UNC79: variants seen among roughly 807,000 people sequenced by gnomAD.
The protein encoded by UNC79 is unc-79 subunit of NALCN channel complex.
In UNC79, 37 loss-of-function variants were observed where a neutral mutation model predicts 283.1. The ratio of observed to expected loss-of-function variants is 0.13; its 90% CI spans 0.10 to 0.17. The LOEUF is 0.17. Ranked by LOEUF, UNC79 falls within the 10% of genes least tolerant of loss-of-function variation. The pLI, the probability that UNC79 is intolerant of heterozygous loss-of-function variation, is 1.00. For missense variants in UNC79, 2,272 were observed against 3,211.1 expected (o/e 0.71, Z 7.07); for synonymous variants, 1,107 against 1,200.2 (o/e 0.92, Z 1.61).
intron 14 of UNC79, among the ~76,000 whole-genome samples, chr14:93,560,124 C>A (rs974170490): frequency 6.6e-6 from 1 of 151,588 alleles, no homozygotes; most frequent in African/African-American, 2.4e-5. Context: ...AGAAACTAAA[C>A]GGAAGGTACA....
chr14:93,341,278 G>C (rs2053702196), intron 1 of UNC79, among the ~76,000 whole-genome samples: 1 of 151,962 alleles, frequency 6.6e-6, no homozygotes, highest in African/African-American at 2.4e-5. Flanking sequence ...CCAACATGGA[G>C]AAACCCCGTC....
At position 93,402,923 on chromosome 14, in the gene UNC79, G is replaced by A. The variant is rs2055141588; in HGVS notation, c.-350-64748G>A. ...GGTCCTGATGACGTGTGTCCAAGGT[G>A]GTTGAGGCACAGCTTGGTTTTATAT... On this transcript the variant is annotated intron_variant, in intron 1 of 49. Transcript: ENST00000256339. 2.0e-5 allele frequency among the ~76,000 whole-genome samples: 3 copies of A among 152,188 alleles called. No individual in the cohort carries two copies. The South Asian group carries it at 6.2e-4, about 32-fold the overall frequency.
chr14:93,527,977 A>G (rs201410228), intron 8 of UNC79, among the ~76,000 whole-genome samples: 7 of 68,750 alleles, frequency 1.0e-4, no homozygotes, highest in African/African-American at 2.9e-4. Context: ...CATGTGTAGG[A>G]AAAAAAAAAA....
chr14:93,346,088 A>G (rs751275561), intron 1 of UNC79, among the ~76,000 whole-genome samples: 8 of 151,892 alleles, frequency 5.3e-5, no homozygotes, highest in Non-Finnish European at 1.0e-4. Flanking sequence ...ACCAATATAT[A>G]TATATTTTGA....
At chr14:93,660,054 C>T (rs1044131457) in intron 39 of UNC79, among the ~76,000 whole-genome samples, 2 of 152,148 alleles carry the variant, frequency 1.3e-5, no homozygotes, top group Non-Finnish European at 2.9e-5. Context: ...AGTTCTGCAC[C>T]GTGTCTCATT....
intron 47 of UNC79, among the ~76,000 whole-genome samples, chr14:93,703,187 C>T (rs548970542): frequency 9.8e-5 from 15 of 152,332 alleles, no homozygotes; most frequent in Admixed American, 5.9e-4. Context: ...CAATGAGCTT[C>T]GCCATGCCTT....
chr14:93,348,096 C>A, intron 1 of UNC79: 1 of 1,608,198 alleles, frequency 6.2e-7, no homozygotes, highest in Non-Finnish European at 8.5e-7. Flanking sequence ...TGCTAGGCAA[C>A]CTGAAGCAGT....
intron 1 of UNC79, among the ~76,000 whole-genome samples, chr14:93,347,625 C>T (rs529783434): frequency 4.6e-5 from 7 of 152,126 alleles, no homozygotes; most frequent in South Asian, 2.1e-4. Flanking sequence ...AAGCCCGGGA[C>T]CCTGAGGAAC....
chr14:93,480,752 T>C (rs2058087745), intron 4 of UNC79, among the ~76,000 whole-genome samples: 1 of 152,250 alleles, frequency 6.6e-6, no homozygotes, highest in East Asian at 1.9e-4. Flanking sequence ...GTTTTTTCTA[T>C]TTTTTTGGTA....
chr14:93,350,081 ATT>A (rs1329990108), intron 1 of UNC79, among the ~76,000 whole-genome samples: 1 of 152,174 alleles, frequency 6.6e-6, no homozygotes, highest in African/African-American at 2.4e-5. Context: ...GGGAAAATGT[ATT>A]TCTAAAATTG....
At chr14:93,565,723 T>G (rs2062838198) in intron 14 of UNC79, among the ~76,000 whole-genome samples, 1 of 152,090 alleles carries the variant, frequency 6.6e-6, no homozygotes, top group Non-Finnish European at 1.5e-5. Flanking sequence ...GACAGGGAAG[T>G]CCACAGGCTT....
chr14:93,653,679 A>C lies in UNC79; in HGVS notation c.6084-63A>C, dbSNP rs115795636. 3,228 of 1,459,100 alleles carry C rather than the reference A, an allele frequency of 2.2e-3. 59 individuals are homozygous for C. The African/African-American group carries it at 0.038, about 17-fold the overall frequency. The allele number at this position is 1,459,100 out of a possible 1,614,324, so 90.4% of individuals were successfully genotyped here. A position where few individuals can be genotyped will look rare whatever the true frequency, so the allele number is the denominator to read the frequency against. ...TGTGCAAATGTCTGAACTCTAAGTA[A>C]ATATCTGAACACCTGCTCACTGGCC... is the stretch of plus-strand genomic sequence containing the variant. On this transcript the variant is annotated intron_variant, in intron 35 of 48. Transcript: ENST00000555664.
At chr14:93,681,596 A>C (rs1342626231) in intron 41 of UNC79, among the ~76,000 whole-genome samples, 3 of 152,194 alleles carry the variant, frequency 2.0e-5, no homozygotes. Flanking sequence ...TGTGCCTTCC[A>C]GTATGAGAAC....
chr14:93,365,383 TC>T (rs1338817333), intron 1 of UNC79, among the ~76,000 whole-genome samples: 8 of 27,580 alleles, frequency 2.9e-4, no homozygotes, highest in East Asian at 1.8e-3. Flanking sequence ...ATACTCCATC[TC>T]AAAAAAAAAA....
At chr14:93,391,605 C>T (rs968133021) in intron 1 of UNC79, among the ~76,000 whole-genome samples, 3 of 152,042 alleles carry the variant, frequency 2.0e-5, no homozygotes, top group Non-Finnish European at 2.9e-5. Context: ...TCTATAATTT[C>T]TTTTTTTGAG....
At chr14:93,520,910 C>G (rs1055505225) in intron 7 of UNC79, among the ~76,000 whole-genome samples, 3 of 151,958 alleles carry the variant, frequency 2.0e-5, no homozygotes, top group African/African-American at 7.2e-5. Flanking sequence ...CTGTTTTCCC[C>G]CTGGTTATGA....
intron 35 of UNC79, among the ~76,000 whole-genome samples, chr14:93,647,735 C>A (rs1314736852): frequency 2.6e-5 from 4 of 152,154 alleles, no homozygotes; most frequent in South Asian, 4.1e-4. Flanking sequence ...CTTTAACCTG[C>A]TGCATTAGTC....
At chr14:93,428,214 G>C (rs770153582), upstream of UNC79, among the ~76,000 whole-genome samples, 1 of 152,154 alleles carries the variant, frequency 6.6e-6, no homozygotes, top group Non-Finnish European at 1.5e-5. Flanking sequence ...AAGATGATAG[G>C]CACAGCTTTT....
At chr14:93,692,504 G>T (rs2074774586) in intron 46 of UNC79, among the ~76,000 whole-genome samples, 1 of 152,184 alleles carries the variant, frequency 6.6e-6, no homozygotes, top group Non-Finnish European at 1.5e-5. Flanking sequence ...ATTGAGGATT[G>T]CAAAGCAATT....
Sources: gnomAD v4.1 joint callset for allele counts (sites outside exome capture counted in the v4.1 genomes callset) on GRCh38, gnomAD v4.1.1 for gene constraint, MANE v1.5 for transcripts, NCBI Gene and HGNC (gene_info 2026-07-23, HGNC 2026-07-21) for gene names.